SPOPL: variants seen among roughly 807,000 people sequenced by gnomAD.
SPOPL encodes the protein speckle type BTB/POZ protein like.
A neutral mutation model predicts 53.8 loss-of-function variants in SPOPL; 23 were observed. The observed-to-expected ratio is 0.43, with a 90% confidence interval of 0.31 to 0.61. The LOEUF is 0.61. Among genes scored for constraint, SPOPL ranks in the 20% least tolerant of loss-of-function variants. The pLI, the probability that SPOPL is intolerant of heterozygous loss-of-function variation, is 0.12. For missense variants in SPOPL, 442 were observed against 466.9 expected, an observed-to-expected ratio of 0.95 and a Z score of 0.49; for synonymous variants, 164 against 149.7, an observed-to-expected ratio of 1.10 and a Z score of -0.70.
rs1307186269 is a variant in SPOPL, at chr2:138,557,393, A to T, written c.481-1629A>T. 1.3e-5 allele frequency among the ~76,000 whole-genome samples: 2 copies of T among 152,198 alleles called. 1 individual carries two copies. The highest frequency in any genetic ancestry group is 4.1e-4 in the South Asian group (2 of 4,828). ...ATCCTCAGAAAAATAAAGATTTTCT[A>T]GTTTTTCTTTAGAAGTGTGTATTCA... On this transcript the variant is annotated intron_variant, in intron 5 of 10. Transcript: ENST00000280098.
chr2:138,540,614 G>C (rs1288241617), intron 1 of SPOPL, among the ~76,000 whole-genome samples: 1 of 152,310 alleles, frequency 6.6e-6, no homozygotes, highest in African/African-American at 2.4e-5. Context: ...CTTTGCTGAA[G>C]TTGCTTATCA....
intron 1 of SPOPL, among the ~76,000 whole-genome samples, chr2:138,502,602 G>A (rs967636554): frequency 6.6e-6 from 1 of 152,090 alleles, no homozygotes; most frequent in African/African-American, 2.4e-5. Context: ...GCCCATTTTA[G>A]GCAGAGTTCT....
intron 1 of SPOPL, among the ~76,000 whole-genome samples, chr2:138,511,302 G>T (rs1254216573): frequency 6.6e-6 from 1 of 152,060 alleles, no homozygotes; most frequent in African/African-American, 2.4e-5. Context: ...AACAAAAATT[G>T]CATCTTTAAG....
chr2:138,517,473 A>G (rs908468973), intron 1 of SPOPL, among the ~76,000 whole-genome samples: 27 of 152,056 alleles, frequency 1.8e-4, no homozygotes, highest in African/African-American at 6.5e-4. Flanking sequence ...GGGTGCGGTG[A>G]CTCACGCCTG....
At chr2:138,542,850 G>A (rs1321096080) in intron 1 of SPOPL, among the ~76,000 whole-genome samples, 1 of 152,114 alleles carries the variant, frequency 6.6e-6, no homozygotes, top group Non-Finnish European at 1.5e-5. Context: ...TTACAGTTTG[G>A]CATGTTTGTG....
Position 138,560,801 on chromosome 2 carries a change from T to C in SPOPL, c.715-4T>C. 2.5e-6 allele frequency: 4 copies of C among 1,578,792 alleles called. No individual in the cohort carries two copies. The highest frequency in any genetic ancestry group is 3.4e-6 in the Non-Finnish European group (4 of 1,169,164). The stretch of plus-strand genomic sequence containing the variant: ...AACATTTTTGTGTTGTTTTTCGATA[T>C]CAGAATCGAGTGGAAATAAATGATT... On this transcript the variant is annotated splice_region_variant and splice_polypyrimidine_tract_variant and intron_variant, in intron 7 of 10. Coordinates refer to ENST00000280098, the MANE Select transcript of SPOPL (RefSeq NM_001001664.3).
intron 5 of SPOPL, 46 bp downstream of exon 5, chr2:138,552,727 T>G: frequency 6.3e-7 from 1 of 1,581,948 alleles, no homozygotes; most frequent in Non-Finnish European, 8.6e-7. Context: ...TATTTAGTGA[T>G]ATGGCAAAAG....
intron 1 of SPOPL, among the ~76,000 whole-genome samples, chr2:138,502,531 A>G (rs765236740): frequency 3.9e-5 from 6 of 152,182 alleles, no homozygotes; most frequent in Admixed American, 3.9e-4. Context: ...GCCACCGCGC[A>G]GCGTCCACTT....
chr2:138,540,803 C>G (rs1177811333), intron 1 of SPOPL, among the ~76,000 whole-genome samples: 3 of 152,084 alleles, frequency 2.0e-5, no homozygotes, highest in Non-Finnish European at 2.9e-5. Flanking sequence ...GTGAGGGAGG[C>G]CATCCCTGTC....
intron 1 of SPOPL, among the ~76,000 whole-genome samples, chr2:138,506,419 G>A (rs535684231): frequency 3.3e-5 from 5 of 152,204 alleles, no homozygotes; most frequent in East Asian, 1.9e-4. Context: ...TTTGAATAGC[G>A]TTGAGATTAG....
chr2:138,565,959 C>T (rs544482532), intron 10 of SPOPL, among the ~76,000 whole-genome samples: 2 of 152,172 alleles, frequency 1.3e-5, no homozygotes, highest in East Asian at 3.9e-4. Context: ...TGGTCTCGAT[C>T]TCCTGACCTC....
At position 138,569,190 on chromosome 2, in the gene SPOPL, G is replaced by A; in HGVS notation, c.*110G>A. 8.0e-7 allele frequency: 1 copy of A among 1,244,092 alleles called. No homozygotes were observed. The allele number at this position is 1,244,092 out of a possible 1,614,324, so 77.1% of individuals were successfully genotyped here. On this transcript the variant is annotated 3_prime_UTR_variant, in exon 11 of 11. Coordinates refer to ENST00000280098, the MANE Select transcript of SPOPL (RefSeq NM_001001664.3). ...AGTTGTTTCTGTTATTTTGTCCACA[G>A]AACAGAAGCTGAAAAAGCATATTGC... is the stretch of plus-strand genomic sequence containing the variant.
At chr2:138,528,991 C>T (rs976968833) in intron 1 of SPOPL, among the ~76,000 whole-genome samples, 1 of 152,146 alleles carries the variant, frequency 6.6e-6, no homozygotes. Context: ...CTGTTCTCAT[C>T]GTTTTTAAAT....
intron 1 of SPOPL, among the ~76,000 whole-genome samples, chr2:138,507,405 C>A (rs1573863761): frequency 6.6e-6 from 1 of 152,114 alleles, no homozygotes; most frequent in East Asian, 1.9e-4. Flanking sequence ...AGACTAGGGA[C>A]CATGAACGAT....
intron 1 of SPOPL, among the ~76,000 whole-genome samples, chr2:138,541,641 T>G (rs1685074681): frequency 6.6e-6 from 1 of 152,192 alleles, no homozygotes; most frequent in African/African-American, 2.4e-5. Flanking sequence ...TCTTTATTAG[T>G]CTTGCTAGCG....
At position 138,551,030 on chromosome 2, in the gene SPOPL, A is replaced by G. The variant is rs779106536; in HGVS notation, c.328A>G (p.Lys110Glu). 9 of 1,613,166 alleles carry G rather than the reference A, an allele frequency of 5.6e-6. No individual in the cohort carries two copies. Among genetic ancestry groups the G allele is most frequent in the Non-Finnish European group, 6.8e-6 (8 of 1,179,406 alleles). ...ATTCAAATTTTCCCTTCTGAATGCT[A>G]AAAGGGAAGAAACAAAAGCAATGGG... The part of the protein sequence containing the change: ...AKFKFSLLNA[K>E]REETKAMESQ... Residue 110 changes from lysine (K) to glutamate (E), a missense_variant, in exon 4 of 11, where the codon AAA (lysine) becomes GAA (glutamate). Physicochemically the swap from Lys to Glu is moderately conservative, Grantham distance 56. Coordinates refer to ENST00000280098, the MANE Select transcript of SPOPL (RefSeq NM_001001664.3).
At chr2:138,539,326 C>G (rs1685010155) in intron 1 of SPOPL, among the ~76,000 whole-genome samples, 1 of 152,220 alleles carries the variant, frequency 6.6e-6, no homozygotes, top group Admixed American at 6.5e-5. Flanking sequence ...AATCGCCACA[C>G]TGACTTCCAC....
chr2:138,556,716 A>G (rs1261513113), intron 5 of SPOPL, among the ~76,000 whole-genome samples: 2 of 152,198 alleles, frequency 1.3e-5, no homozygotes, highest in Non-Finnish European at 1.5e-5. Context: ...TTATTGGCAG[A>G]TTTATTTATT....
rs536157777 is a variant in SPOPL, at chr2:138,570,999, C to G, written c.*1919C>G. 1.3e-5 allele frequency: 2 copies of G among 152,246 alleles called. No homozygotes were observed. The highest frequency in any genetic ancestry group is 4.1e-4 in the South Asian group (2 of 4,830). The allele number at this position is 152,246 out of a possible 1,614,324, so 9.4% of individuals were successfully genotyped here. A position where few individuals can be genotyped will look rare whatever the true frequency, so the allele number is the denominator to read the frequency against. On this transcript the variant is annotated 3_prime_UTR_variant, in exon 11 of 11. Coordinates refer to ENST00000280098, the MANE Select transcript of SPOPL (RefSeq NM_001001664.3). ...AGATTCTTACCTGGTGATGGAACTT[C>G]ATACTTCATCCTGTGTAAGAGTATT...
Sources: allele counts gnomAD v4.1 joint callset (sites outside exome capture counted in the v4.1 genomes callset), GRCh38; gene constraint gnomAD v4.1.1; transcripts MANE v1.5; gene names NCBI Gene and HGNC (gene_info 2026-07-23, HGNC 2026-07-21).